DNAH11: variants seen among roughly 807,000 people sequenced by gnomAD.
The protein encoded by DNAH11 is axonemal beta dynein heavy chain 11.
DNAH11 carries 442 observed loss-of-function variants against 526.0 expected under a neutral mutation model. That is an observed-to-expected ratio of 0.84 (90% CI 0.78 to 0.91). The LOEUF (loss-of-function observed/expected upper bound fraction) is 0.91. Among genes scored for constraint, DNAH11 ranks in the 40% least tolerant of loss-of-function variants. The pLI is 0.00. For synonymous variants in DNAH11, 2,461 were observed against 1,935.9 expected, an observed-to-expected ratio of 1.27 and a Z score of -7.12; for missense variants, 6,989 against 5,448.7, an observed-to-expected ratio of 1.28 and a Z score of -8.90.
chr7:21,823,900 G>C (rs1790160945), intron 65 of DNAH11, among the ~76,000 whole-genome samples: 1 of 152,060 alleles, frequency 6.6e-6, no homozygotes, highest in Non-Finnish European at 1.5e-5. Context: ...CCTTCTTCAG[G>C]GTGCCTGCTA....
chr7:21,892,225 G>T (rs1261651138), intron 76 of DNAH11, among the ~76,000 whole-genome samples, 200 bp from the exon 77 acceptor site: 1 of 152,116 alleles, frequency 6.6e-6, no homozygotes, highest in African/African-American at 2.4e-5. Context: ...ATTAATGTGT[G>T]TTCCTTGGGA....
At chr7:21,720,974 C>T (rs773971097) in intron 44 of DNAH11, 118 bp downstream of exon 44, 60 of 1,266,536 alleles carry the variant, frequency 4.7e-5, no homozygotes, top group Non-Finnish European at 5.7e-5. Context: ...TACTGCTTGC[C>T]CTGTTCTCTC....
At chr7:21,588,726 A>G in intron 11 of DNAH11, 90 bp downstream of exon 11, 8 of 1,458,976 alleles carry the variant, frequency 5.5e-6, no homozygotes, top group Non-Finnish European at 7.6e-6. Flanking sequence ...ATTAGCACTT[A>G]GGAAGCCATT....
intron 25 of DNAH11, among the ~76,000 whole-genome samples, chr7:21,634,852 G>C (rs1035494657): frequency 6.6e-6 from 1 of 152,250 alleles, no homozygotes; most frequent in Admixed American, 6.5e-5. Flanking sequence ...TATGAGGACA[G>C]ATTTAAAACA....
At chr7:21,551,371 C>A (rs913284505) in intron 2 of DNAH11, among the ~76,000 whole-genome samples, 2 of 152,190 alleles carry the variant, frequency 1.3e-5, no homozygotes, top group Admixed American at 6.5e-5. Context: ...GCTATGGTTA[C>A]CTCTGCTGGA....
intron 61 of DNAH11, among the ~76,000 whole-genome samples, chr7:21,796,933 CTT>C (rs1562551666): frequency 2.0e-5 from 3 of 151,788 alleles, no homozygotes; most frequent in African/African-American, 7.3e-5. Context: ...TGATTAGTAA[CTT>C]GAGAGAATAA....
chr7:21,605,679 T>A (rs1306354842), intron 18 of DNAH11, among the ~76,000 whole-genome samples: 1 of 152,196 alleles, frequency 6.6e-6, no homozygotes, highest in Non-Finnish European at 1.5e-5. Flanking sequence ...GATTCACATT[T>A]TCATCCTTGC....
In DNAH11 at chr7:21,763,354, A is replaced by AGAC. The variant is rs1787014124; in HGVS notation, c.8941-2074_8941-2073insGAC. ...AAGACTGTCTCAAAAAAAAAAAAAAAAAGAAAAAAAAAAAGACTTACAAAT... is the reference window on the plus strand; with the variant it reads ...AAGACTGTCTCAAAAAAAAAAAAAAAGACAAGAAAAAAAAAAAGACTTACAAAT... On this transcript the variant is annotated intron_variant, in intron 54 of 81. Transcript: ENST00000409508. Among the ~76,000 whole-genome samples the AGAC allele has an allele frequency of 8.1e-5, 5 of 61,630 alleles. 1 individual carries two copies. The South Asian group carries it at 2.5e-3, about 31-fold the overall frequency. 40.4% of individuals were successfully genotyped at this position (61,630 alleles called of 152,430 possible).
chr7:21,883,469 C>T (rs1163432823), intron 75 of DNAH11, among the ~76,000 whole-genome samples: 3 of 152,176 alleles, frequency 2.0e-5, no homozygotes, highest in Non-Finnish European at 2.9e-5. Context: ...CCAGTCATGC[C>T]GTAAGACAAG....
chr7:21,861,814 C>T (rs773598960), intron 68 of DNAH11, 39 bp from the exon 69 acceptor site: 1 of 1,607,312 alleles, frequency 6.2e-7, no homozygotes, highest in African/African-American at 1.3e-5. Flanking sequence ...CATCCAGGCA[C>T]CAGTTGTCAC....
intron 56 of DNAH11, among the ~76,000 whole-genome samples, chr7:21,775,075 G>A (rs888702839): frequency 6.6e-6 from 1 of 152,138 alleles, no homozygotes; most frequent in Non-Finnish European, 1.5e-5. Context: ...CTCTGGCCAT[G>A]TCCTTCAGTC....
intron 57 of DNAH11, among the ~76,000 whole-genome samples, chr7:21,780,652 A>G (rs1176073638): frequency 6.6e-6 from 1 of 152,214 alleles, no homozygotes; most frequent in East Asian, 1.9e-4. Flanking sequence ...AGTTTTAGCA[A>G]ATTAGAACTC....
chr7:21,640,645 G>A (rs987889204), intron 28 of DNAH11, among the ~76,000 whole-genome samples: 3 of 152,054 alleles, frequency 2.0e-5, no homozygotes, highest in South Asian at 2.1e-4. Context: ...GTGCCCTGCC[G>A]AGTCTCTTTG....
intron 76 of DNAH11, 37 bp downstream of exon 76, chr7:21,884,447 ACT>A (rs759454487): frequency 6.4e-7 from 1 of 1,573,038 alleles, no homozygotes; most frequent in Non-Finnish European, 8.6e-7. Context: ...AATAAATTTC[ACT>A]GAGCAAAAAA....
chr7:21,790,573 A>G (rs1448421824), intron 61 of DNAH11, among the ~76,000 whole-genome samples: 1 of 152,262 alleles, frequency 6.6e-6, no homozygotes, highest in Non-Finnish European at 1.5e-5. Flanking sequence ...ATATGTGGCT[A>G]TATACAGAAA....
chr7:21,783,905 G>A (rs1276913172), intron 57 of DNAH11, among the ~76,000 whole-genome samples: 1 of 152,142 alleles, frequency 6.6e-6, no homozygotes, highest in Non-Finnish European at 1.5e-5. Flanking sequence ...TTATAGTTAG[G>A]CATGCGATCC....
intron 64 of DNAH11, 133 bp from the exon 65 acceptor site, chr7:21,818,084 C>T: frequency 1.2e-6 from 1 of 816,056 alleles, no homozygotes; most frequent in Non-Finnish European, 1.8e-6. Flanking sequence ...GGAACTACTA[C>T]TTTATAAAAT....
intron 5 of DNAH11, among the ~76,000 whole-genome samples, chr7:21,561,844 TAATAA>T (rs968259433): frequency 6.6e-6 from 1 of 152,198 alleles, no homozygotes; most frequent in Admixed American, 6.5e-5. Context: ...TGGTTTTAAA[TAATAA>T]AATAGATAAT....
chr7:21,571,916 G>A lies in DNAH11; in HGVS notation c.1536G>A (p.Met512Ile). 1.2e-6 allele frequency: 2 copies of A among 1,611,558 alleles called. No individual in the cohort carries two copies. Among genetic ancestry groups the A allele is most frequent in the Admixed American group, 3.3e-5 (2 of 59,732 alleles). Residue 512 changes from methionine to isoleucine, a missense_variant, in exon 8 of 82, where the codon ATG becomes ATA. Coordinates refer to ENST00000409508, the MANE Select transcript of DNAH11 (RefSeq NM_001277115.2). ...GQVHEMSEEL[M>I]ELCKLFKQST... ...TCCACGAGATGAGTGAAGAACTTATGGAACTCTGTAAACTTTTTAAACAGA... is the reference window on the plus strand; with the variant it reads ...TCCACGAGATGAGTGAAGAACTTATAGAACTCTGTAAACTTTTTAAACAGA...
Sources: gnomAD v4.1 joint callset for allele counts (sites outside exome capture counted in the v4.1 genomes callset) on GRCh38, gnomAD v4.1.1 for gene constraint, MANE v1.5 for transcripts, NCBI Gene and HGNC (gene_info 2026-07-23, HGNC 2026-07-21) for gene names.